IRS4: variants seen among roughly 807,000 people sequenced by gnomAD.
IRS4 encodes insulin receptor substrate 4.
Under a neutral mutation model 48.6 loss-of-function variants are expected in IRS4, and 15 were observed. That is an observed-to-expected ratio of 0.31 (90% CI 0.21 to 0.48). IRS4 has a LOEUF of 0.48. IRS4 is among the 20% of genes least tolerant of loss of function. IRS4 has a pLI of 0.99. For missense variants in IRS4, 987 were observed against 1,023.4 expected, an observed-to-expected ratio of 0.96 and a Z score of 0.49; for synonymous variants, 459 against 413.2, an observed-to-expected ratio of 1.11 and a Z score of -1.34.
Position 108,733,704 on chromosome X carries a change from G to A in IRS4, c.2641C>T (p.Pro881Ser), listed in dbSNP as rs1237531768. The A allele has an allele frequency of 8.3e-7, 1 of 1,211,571 alleles. No individual in the cohort carries two copies. The highest frequency in any genetic ancestry group is 3.0e-5 in the East Asian group (1 of 33,847). Reference protein sequence around the residue: ...GSPSKPSDHEPPKNKAKRPNR... With the variant: ...GSPSKPSDHESPKNKAKRPNR... Reference sequence around the variant, plus strand: ...GGTCTCTTAGCTTTATTCTTTGGGGGCTCATGATCTGAAGGCTTTGAAGGT... The same window carrying A: ...GGTCTCTTAGCTTTATTCTTTGGGGACTCATGATCTGAAGGCTTTGAAGGT... Residue 881 changes from proline (P) to serine (S), a missense_variant, in exon 1 of 2, where the codon CCC (proline) becomes TCC (serine). Physicochemically the swap from Pro to Ser is moderately conservative, Grantham distance 74. This residue lies in a region of IRS4 where 720 missense variants were observed against 660.3 expected (regional missense o/e 1.09). Coordinates refer to ENST00000372129, the MANE Select transcript of IRS4 (RefSeq NM_001379150.1).
intron 1 of IRS4, chrX:108,725,829 G>A (rs775783849): frequency 8.9e-6 from 1 of 112,371 alleles, no homozygotes; most frequent in Non-Finnish European, 1.9e-5. Flanking sequence ...AAAAGAATCT[G>A]TAAGGGAAAT....
In IRS4 at chrX:108,733,401, T is replaced by C; in HGVS notation, c.2944A>G (p.Ile982Val). 1.7e-6 allele frequency: 2 copies of C among 1,211,924 alleles called. No homozygotes were observed. The highest frequency in any genetic ancestry group is 2.2e-6 in the Non-Finnish European group (2 of 895,508). Residue 982 changes from isoleucine (I) to valine (V), a missense_variant, in exon 1 of 2, where the codon ATA becomes GTA. Physicochemically the swap from Ile to Val is conservative, Grantham distance 29. This residue lies in a region of IRS4 where 720 missense variants were observed against 660.3 expected (regional missense o/e 1.09). Transcript: ENST00000372129. ...AGAGATAAGGGGTTGGCACGTGGTATAGCTCTTAAAAGATCTGAGAGGTCG... is the reference window on the plus strand; with the variant it reads ...AGAGATAAGGGGTTGGCACGTGGTACAGCTCTTAAAAGATCTGAGAGGTCG... ...ANDLSDLLRA[I>V]PRANPLSLDS...
chrX:108,732,812 G>A lies in IRS4; in HGVS notation c.3533C>T (p.Ala1178Val). 1 of 1,187,956 alleles carries A rather than the reference G, an allele frequency of 8.4e-7. No homozygotes were observed. The highest frequency in any genetic ancestry group is 1.1e-6 in the Non-Finnish European group (1 of 882,359). Residue 1178 changes from alanine to valine, a missense_variant, in exon 1 of 2, where the codon GCC becomes GTC. By Grantham distance (64) the Ala-to-Val change is moderately conservative (BLOSUM62 0). Around this residue, in one of 4 missense-constraint regions of IRS4, gnomAD observed 720 missense variants for 660.3 expected, o/e 1.09. Transcript: ENST00000372129. The stretch of plus-strand genomic sequence containing the variant: ...GTTCGAGCCACCGGCAACGTCTTGG[G>A]CTCCCCTTACTGCTTCGGCATCAGC... ...NAADAEAVRG[A>V]QDVAGGSNPG...
chrX:108,729,018 T>C, intron 1 of IRS4, among the ~76,000 whole-genome samples: 1 of 112,152 alleles, frequency 8.9e-6, no homozygotes, highest in East Asian at 2.8e-4. Context: ...TGAAGTCCTC[T>C]TTAATTGTTA....
rs1603333702 is a variant in IRS4, at chrX:108,721,420, C to T, written c.*1099G>A. 2 of 110,417 alleles carry T rather than the reference C, an allele frequency of 1.8e-5. No individual in the cohort carries two copies. Among genetic ancestry groups the T allele is most frequent in the South Asian group, 7.7e-4 (2 of 2,594 alleles). 9.1% of individuals were successfully genotyped at this position (110,417 alleles called of 1,213,427 possible). A position where few individuals can be genotyped will look rare whatever the true frequency, so the allele number is the denominator to read the frequency against. ...TCTGATTTTTTTTTTTAATTTGGTA[C>T]ATCTTATATTGGCTCAATATCCAGA... is the stretch of plus-strand genomic sequence containing the variant. On this transcript the variant is annotated 3_prime_UTR_variant, in exon 2 of 2. Coordinates refer to ENST00000372129, the MANE Select transcript of IRS4 (RefSeq NM_001379150.1).
Position 108,733,840 on chromosome X carries a change from C to G in IRS4, c.2505G>C (p.Lys835Asn). ...CTTTGTCTAGGCCCCTCCCCAGGAA[C>G]TTTCCAGGTAACATTGGCACATACT... ...NSEYVPMLPG[K>N]FLGRGLDKEV... is the part of the protein sequence containing the mutation. Residue 835 changes from lysine to asparagine, a missense_variant, in exon 1 of 2, where the codon AAG (lysine) becomes AAC (asparagine). Lys to Asn is a moderately conservative substitution (Grantham distance 94). Around this residue, in one of 4 missense-constraint regions of IRS4, gnomAD observed 720 missense variants for 660.3 expected, o/e 1.09. Coordinates refer to ENST00000372129, the MANE Select transcript of IRS4 (RefSeq NM_001379150.1). The G allele has an allele frequency of 1.7e-6, 2 of 1,211,556 alleles. No homozygotes were observed. Among genetic ancestry groups the G allele is most frequent in the Non-Finnish European group, 2.2e-6 (2 of 895,529 alleles).
chrX:108,728,060 G>T (rs1247892177), intron 1 of IRS4, among the ~76,000 whole-genome samples: 1 of 112,293 alleles, frequency 8.9e-6, no homozygotes, highest in African/African-American at 3.2e-5. Context: ...TCTAACTTCA[G>T]TTAAAGAAAT....
Position 108,735,930 on chromosome X carries a change from G to A in IRS4, c.415C>T (p.Pro139Ser). 8.3e-7 allele frequency: 1 copy of A among 1,208,527 alleles called. No homozygotes were observed. The highest frequency in any genetic ancestry group is 1.1e-6 in the Non-Finnish European group (1 of 893,932). The change falls in exon 1 of 2, where the codon CCC (proline) becomes TCC (serine). Residue 139 changes from proline (P) to serine (S), a missense_variant. Physicochemically the swap from Pro to Ser is moderately conservative, Grantham distance 74. Coordinates refer to ENST00000372129, the MANE Select transcript of IRS4 (RefSeq NM_001379150.1). The stretch of plus-strand genomic sequence containing the variant: ...ACGCGCCGCGGTGGAATGAGCGGGG[G>A]GATCGCGGCGCCAGAGGCGGCCGCC... ...AAAAASGAAI[P>S]PLIPPRRVIT...
At position 108,734,295 on chromosome X, in the gene IRS4, G is replaced by T; in HGVS notation, c.2050C>A (p.Arg684=). 8.3e-7 allele frequency: 1 copy of T among 1,211,158 alleles called. No individual in the cohort carries two copies. The highest frequency in any genetic ancestry group is 1.1e-6 in the Non-Finnish European group (1 of 895,413). Reference sequence around the variant, plus strand: ...AAAGCTCTGGCTCTGTGGGGACCTCGAGCTGCACCTTCTGGGATCTCTGCA... The same window carrying T: ...AAAGCTCTGGCTCTGTGGGGACCTCTAGCTGCACCTTCTGGGATCTCTGCA... ...KDAEIPEGAA[R]GPHRARAFDE... The change falls in exon 1 of 2, where the codon CGA becomes AGA. Residue 684 remains arginine, a synonymous_variant. Transcript: ENST00000372129.
intron 1 of IRS4, 72 bp from the exon 2 acceptor site, chrX:108,722,595 TAAAACAAAACAACAC>T (rs1338256277): frequency 3.4e-6 from 1 of 293,739 alleles, no homozygotes; most frequent in South Asian, 3.2e-5. Flanking sequence ...CACCCTGTTT[TAAAACAAAACAACAC>T]AAAACAAAAC....
At chrX:108,728,571 A>G (rs1385293989) in intron 1 of IRS4, among the ~76,000 whole-genome samples, 1 of 112,150 alleles carries the variant, frequency 8.9e-6, no homozygotes, top group Non-Finnish European at 1.9e-5. Flanking sequence ...CATTTCCAGT[A>G]CTTACCATCC....
intron 1 of IRS4, among the ~76,000 whole-genome samples, chrX:108,730,185 A>G (rs898946105): frequency 1.8e-5 from 2 of 111,520 alleles, no homozygotes; most frequent in African/African-American, 6.5e-5. Context: ...ATAAAAAAGG[A>G]TCAGAATCAT....
chrX:108,724,854 T>C (rs2068867853), intron 1 of IRS4: 1 of 111,559 alleles, frequency 9.0e-6, no homozygotes, highest in Non-Finnish European at 1.9e-5. Context: ...TAATCAAAGG[T>C]CTTTTAAACA....
chrX:108,728,254 C>T (rs1205135344), intron 1 of IRS4, among the ~76,000 whole-genome samples: 1 of 111,897 alleles, frequency 8.9e-6, no homozygotes. Context: ...ATTCTAAGAG[C>T]CAGGGCAAAC....
chrX:108,727,821 T>C (rs1490981106), intron 1 of IRS4, among the ~76,000 whole-genome samples: 3 of 112,262 alleles, frequency 2.7e-5, no homozygotes, highest in Admixed American at 9.5e-5. Flanking sequence ...TTTTCAAGGC[T>C]TCTAAAATCT....
chrX:108,734,600 G>A lies in IRS4; in HGVS notation c.1745C>T (p.Ser582Leu), dbSNP rs780114495. 2 of 1,211,147 alleles carry A rather than the reference G, an allele frequency of 1.7e-6. No individual in the cohort carries two copies. Among genetic ancestry groups the A allele is most frequent in the South Asian group, 3.5e-5 (2 of 56,952 alleles). ...CCCCCCAGAGTTCTTGCCACCACCT[G>A]AGCCATGGCCATCTCCAGGTCCCTG... ...GGQGPGDGHG[S>L]GGGKNSGGGK... The change falls in exon 1 of 2, where the codon TCA becomes TTA. Residue 582 changes from serine (S) to leucine (L), a missense_variant. By Grantham distance (145) the Ser-to-Leu change is moderately radical. Transcript: ENST00000372129.
chrX:108,732,402 A>G (rs1256997875), intron 1 of IRS4, 177 bp downstream of exon 1: 1 of 829,792 alleles, frequency 1.2e-6, no homozygotes, highest in African/African-American at 2.1e-5. Flanking sequence ...GATTAGATAA[A>G]AACAAATTTT....
Position 108,736,253 on chromosome X carries a change from G to T in IRS4, c.92C>A (p.Thr31Asn). The change falls in exon 1 of 2, where the codon ACC becomes AAC. Residue 31 changes from threonine to asparagine, a missense_variant. By Grantham distance (65) the Thr-to-Asn change is moderately conservative. Transcript: ENST00000372129. ...GGTTCCCGAGGAAAGAAGCGGGGTG[G>T]TCACCACTGCTGCTAGAGCTGCCGC... ...AAAAALAAVVTTPLLSSGTPT... is the reference protein window; with the variant it reads ...AAAAALAAVVNTPLLSSGTPT... The T allele has an allele frequency of 8.3e-7, 1 of 1,210,699 alleles. No individual in the cohort carries two copies. Among genetic ancestry groups the T allele is most frequent in the Non-Finnish European group, 1.1e-6 (1 of 895,250 alleles).
At position 108,735,110 on chromosome X, in the gene IRS4, C is replaced by T; in HGVS notation, c.1235G>A (p.Gly412Glu). 1.7e-6 allele frequency: 2 copies of T among 1,211,800 alleles called. No homozygotes were observed. The highest frequency in any genetic ancestry group is 3.0e-5 in the East Asian group (1 of 33,827). ...PSEPVAHSRRGRLHLPRGRRS... is the reference protein window; with the variant it reads ...PSEPVAHSRRERLHLPRGRRS... ...GCGCCCTCTGGGCAGGTGCAGTCTTCCTCGCCTGGAGTGGGCCACAGGCTC... is the reference window on the plus strand; with the variant it reads ...GCGCCCTCTGGGCAGGTGCAGTCTTTCTCGCCTGGAGTGGGCCACAGGCTC... The change falls in exon 1 of 2, where the codon GGA (glycine) becomes GAA (glutamate). Residue 412 changes from glycine (G) to glutamate (E), a missense_variant. This residue lies in a region of IRS4 where 74 missense variants were observed against 100.4 expected (regional missense o/e 0.74). Transcript: ENST00000372129.
Sources: gnomAD v4.1 joint callset for allele counts (sites outside exome capture counted in the v4.1 genomes callset) on GRCh38, gnomAD v4.1.1 for gene constraint, gnomAD v4.1.1 regional missense constraint, MANE v1.5 for transcripts, NCBI Gene and HGNC (gene_info 2026-07-23, HGNC 2026-07-21) for gene names.